Variants in PRKCB observed in about 807,000 individuals in gnomAD.
PRKCB encodes protein kinase C beta type.
A neutral mutation model predicts 81.5 loss-of-function variants in PRKCB; 13 were observed. The observed-to-expected ratio is 0.16, with a 90% CI of 0.10 to 0.25. The LOEUF (loss-of-function observed/expected upper bound fraction) is 0.25. Ranked by LOEUF, PRKCB falls within the 10% of genes least tolerant of loss-of-function variation. The pLI, the probability that PRKCB is intolerant of heterozygous loss-of-function variation, is 1.00. For missense variants in PRKCB, 509 were observed against 875.7 expected, an observed-to-expected ratio of 0.58 and a Z score of 5.29; for synonymous variants, 335 against 321.4, an observed-to-expected ratio of 1.04 and a Z score of -0.45.
rs1482776399 is a variant in PRKCB, at chr16:23,902,728, T to TCCTCCCTC, written c.205+65329_205+65330insCCCTCCCT. On this transcript the variant is annotated intron_variant, in intron 2 of 16. Transcript: ENST00000643927. ...CTCAAAAGTTTTTCCCTCCCTCCCT[T>TCCTCCCTC]CCTCCCTTCCTTCCTTCCTTCCTTC... Among the ~76,000 whole-genome samples, 113 of 20,362 alleles carry TCCTCCCTC rather than the reference T, an allele frequency of 5.5e-3. 13 individuals carry two copies. The highest frequency in any genetic ancestry group is 0.023 in the African/African-American group (96 of 4,206). 13.4% of individuals were successfully genotyped at this position (20,362 alleles called of 152,430 possible). A position where few individuals can be genotyped will look rare whatever the true frequency, so the allele number is the denominator to read the frequency against.
intron 6 of PRKCB, 60 bp downstream of exon 6, chr16:24,093,007 A>G (rs880824): frequency 0.6 from 917,695 of 1,536,016 alleles, 277,673 homozygotes; most frequent in African/African-American, 0.68. Flanking sequence ...TGCCACCTGA[A>G]ATCAGGGAGT....
rs999131857 is a variant in PRKCB, at chr16:24,218,358, C to A, written c.*3542C>A. 2.0e-6 allele frequency: 2 copies of A among 985,106 alleles called. No homozygotes were observed. The highest frequency in any genetic ancestry group is 3.5e-5 in the African/African-American group (2 of 57,148). 61.0% of individuals were successfully genotyped at this position (985,106 alleles called of 1,614,324 possible). ...CTGGGGGATGGAAACTCCTATAGCA[C>A]CCCACAGGCTAACAGCAAGCAGGAC... On this transcript the variant is annotated 3_prime_UTR_variant, in exon 17 of 17. Transcript: ENST00000643927.
intron 2 of PRKCB, among the ~76,000 whole-genome samples, chr16:23,919,667 T>C (rs145226969): frequency 1.3e-3 from 199 of 152,308 alleles, no homozygotes; most frequent in African/African-American, 4.6e-3. Context: ...AATTCTCCAT[T>C]CCCTCTTCCT....
At chr16:24,014,444 C>T (rs1221462572) in intron 3 of PRKCB, among the ~76,000 whole-genome samples, 2 of 152,190 alleles carry the variant, frequency 1.3e-5, no homozygotes, top group Non-Finnish European at 2.9e-5. Flanking sequence ...CTGTGAACAG[C>T]CTCCACCAGA....
rs1964260417 is a variant in PRKCB at position 23,950,146 on chromosome 16, T to TG, written c.206-38362_206-38361insG. ...CTATGATTTGAATTTTTTTTTTTTT[T>TG]TTTTTTTTTTTTCTGTTGATCCCTC... On this transcript the variant is annotated intron_variant, in intron 2 of 16. Coordinates refer to ENST00000643927, the MANE Select transcript of PRKCB (RefSeq NM_002738.7). 3.4e-5 allele frequency among the ~76,000 whole-genome samples: 5 copies of TG among 146,110 alleles called. 1 individual carries two copies. Among genetic ancestry groups the TG allele is most frequent in the African/African-American group, 1.0e-4 (4 of 39,824 alleles).
At chr16:23,993,455 G>A (rs1327482897) in intron 3 of PRKCB, among the ~76,000 whole-genome samples, 2 of 152,170 alleles carry the variant, frequency 1.3e-5, no homozygotes, top group Non-Finnish European at 2.9e-5. Flanking sequence ...GGATTCAAAA[G>A]CTTAGGGAGA....
At chr16:24,048,639 G>T (rs541454571) in intron 5 of PRKCB, among the ~76,000 whole-genome samples, 3 of 152,048 alleles carry the variant, frequency 2.0e-5, no homozygotes, top group Admixed American at 6.5e-5. Context: ...ACAGGCATGC[G>T]CCACCATGCC....
intron 5 of PRKCB, among the ~76,000 whole-genome samples, chr16:24,055,016 C>T (rs971469234): frequency 6.6e-6 from 1 of 152,226 alleles, no homozygotes; most frequent in African/African-American, 2.4e-5. Flanking sequence ...CGATGGCAGC[C>T]TCTCTCTTTA....
rs1312944393 is a variant in PRKCB, at chr16:23,934,325, T to G, written c.206-54183T>G. The stretch of plus-strand genomic sequence containing the variant: ...GCATTGAGGAAAAAAGCTGTTTTTT[T>G]TTTTTTTTTTTGACATTAAAAGCTC... On this transcript the variant is annotated intron_variant, in intron 2 of 16. Transcript: ENST00000643927. Among the ~76,000 whole-genome samples the G allele has an allele frequency of 3.4e-3, 491 of 143,144 alleles. 2 individuals are homozygous for G. Among genetic ancestry groups the G allele is most frequent in the African/African-American group, 0.012 (457 of 37,116 alleles). 93.9% of individuals were successfully genotyped at this position (143,144 alleles called of 152,430 possible).
intron 2 of PRKCB, among the ~76,000 whole-genome samples, chr16:23,872,102 C>T (rs983935994): frequency 5.3e-5 from 8 of 152,132 alleles, no homozygotes; most frequent in Non-Finnish European, 1.0e-4. Flanking sequence ...CTTGTGACTG[C>T]AGGCCTTGGT....
At chr16:24,017,456 A>G (rs1965293981) in intron 3 of PRKCB, among the ~76,000 whole-genome samples, 1 of 152,172 alleles carries the variant, frequency 6.6e-6, no homozygotes, top group Non-Finnish European at 1.5e-5. Flanking sequence ...GACAGAAACC[A>G]TACAGGAAAA....
At chr16:24,046,207 T>G (rs1484816043) in intron 5 of PRKCB, among the ~76,000 whole-genome samples, 1 of 152,236 alleles carries the variant, frequency 6.6e-6, no homozygotes. Flanking sequence ...TTGCTGCACG[T>G]CTCTGCTAAT....
In PRKCB at chr16:23,911,128, C is replaced by CTTTTTTTTTTTTT. The variant is rs567904157; in HGVS notation, c.205+73735_205+73747dup. On this transcript the variant is annotated intron_variant, in intron 2 of 16. Transcript: ENST00000643927. ...ATAAATAGCCATAAACGTATATATG[C>CTTTTTTTTTTTTT]TTTTTTTTTTTTTTTTTTTTTTTTT... Among the ~76,000 whole-genome samples the CTTTTTTTTTTTTT allele has an allele frequency of 7.3e-3, 229 of 31,558 alleles. 95 individuals are homozygous for CTTTTTTTTTTTTT. Among genetic ancestry groups the CTTTTTTTTTTTTT allele is most frequent in the African/African-American group, 0.013 (107 of 7,954 alleles). The allele number at this position is 31,558 out of a possible 152,430, so 20.7% of individuals were successfully genotyped here.
intron 2 of PRKCB, among the ~76,000 whole-genome samples, chr16:23,945,554 G>A (rs1438677563): frequency 1.3e-5 from 2 of 152,096 alleles, no homozygotes; most frequent in African/African-American, 4.8e-5. Flanking sequence ...CCTCACTGTG[G>A]GCTTTCTTTG....
chr16:24,088,988 C>T (rs974406303), intron 5 of PRKCB, among the ~76,000 whole-genome samples: 2 of 152,176 alleles, frequency 1.3e-5, no homozygotes, highest in South Asian at 2.1e-4. Flanking sequence ...AAGCTTCTGG[C>T]GCATCTGAGT....
At chr16:23,964,831 C>T (rs1015132825) in intron 2 of PRKCB, among the ~76,000 whole-genome samples, 4 of 151,968 alleles carry the variant, frequency 2.6e-5, no homozygotes, top group African/African-American at 7.3e-5. Context: ...CCCCTCTCCC[C>T]GCTAATTCTT....
chr16:23,866,976 TCCC>T (rs1962803525), intron 2 of PRKCB, among the ~76,000 whole-genome samples: 2 of 79,226 alleles, frequency 2.5e-5, no homozygotes, highest in African/African-American at 1.0e-4. Flanking sequence ...TTCCCTTCCT[TCCC>T]TTCCTTCCCT....
intron 2 of PRKCB, among the ~76,000 whole-genome samples, chr16:23,910,218 T>C (rs1963629313): frequency 6.6e-6 from 1 of 152,162 alleles, no homozygotes; most frequent in African/African-American, 2.4e-5. Flanking sequence ...ATAGATGACG[T>C]CACTTGATGG....
chr16:24,203,815 G>T (rs1968001661), intron 16 of PRKCB, among the ~76,000 whole-genome samples: 1 of 152,204 alleles, frequency 6.6e-6, no homozygotes, highest in African/African-American at 2.4e-5. Context: ...CTAAGGAAGT[G>T]AGGCTTGGAT....
Sources: gnomAD v4.1 joint callset for allele counts (sites outside exome capture counted in the v4.1 genomes callset) on GRCh38, gnomAD v4.1.1 for gene constraint, MANE v1.5 for transcripts, NCBI Gene and HGNC (gene_info 2026-07-23, HGNC 2026-07-21) for gene names.